PCDHA3: variants seen among roughly 807,000 people sequenced by gnomAD.
The protein encoded by PCDHA3 is protocadherin alpha-3.
A neutral mutation model predicts 62.2 loss-of-function variants in PCDHA3; 41 were observed. The observed-to-expected ratio is 0.66, with a 90% CI of 0.51 to 0.86. The LOEUF is 0.86. Ranked by LOEUF, PCDHA3 falls within the 40% of genes least tolerant of loss-of-function variation. The probability of loss-of-function intolerance (pLI) is 0.00; values close to 1 mark genes in which losing one functional copy is unlikely to be tolerated. For missense variants in PCDHA3, 1,304 were observed against 1,241.2 expected (o/e 1.05, Z -0.76); for synonymous variants, 640 against 555.4 (o/e 1.15, Z -2.14).
chr5:140,820,250 A>G (rs2150106374), intron 1 of PCDHA3, among the ~76,000 whole-genome samples: 2 of 152,032 alleles, frequency 1.3e-5, no homozygotes, highest in African/African-American at 4.8e-5. Context: ...TAAAAATCTT[A>G]TAAGGGAACT....
rs2150186408 is a variant in PCDHA3, at chr5:140,830,436, T to A, written c.2394+26845T>A. On this transcript the variant is annotated intron_variant, in intron 1 of 3. Transcript: ENST00000522353. ...CCCAGCCTTTCACCTTGTCCTATTA[T>A]GATGGGTAAGGCGGAGAATCAGGAT... is the stretch of plus-strand genomic sequence containing the variant. The A allele has an allele frequency of 1.5e-5, 24 of 1,612,796 alleles. No homozygotes were observed. The South Asian group carries it at 2.0e-4, about 13-fold the overall frequency.
intron 1 of PCDHA3, chr5:140,809,058 T>C (rs1554124969): frequency 1.2e-6 from 2 of 1,613,738 alleles, no homozygotes; most frequent in East Asian, 2.2e-5. Flanking sequence ...CCGTTCCGCG[T>C]GGGGCTGTAC....
At chr5:140,948,897 T>G (rs1487067374) in intron 1 of PCDHA3, among the ~76,000 whole-genome samples, 4 of 151,680 alleles carry the variant, frequency 2.6e-5, no homozygotes, top group Non-Finnish European at 5.9e-5. Flanking sequence ...AGATTTTAAG[T>G]GGATTCTTAG....
intron 1 of PCDHA3, among the ~76,000 whole-genome samples, chr5:140,946,079 G>A (rs2093884371): frequency 6.6e-6 from 1 of 151,926 alleles, no homozygotes; most frequent in African/African-American, 2.4e-5. Context: ...GCAAACCACA[G>A]ATCTGATAAG....
rs782778779 is a variant in PCDHA3, at chr5:140,858,081, C to T, written c.2394+54490C>T. ...GAGGGCAGCCAGGCACCCAAGGCCT[C>T]GTCGCGGGCTTCAGTGGGCGTGGCG... On this transcript the variant is annotated intron_variant, in intron 1 of 3. Transcript: ENST00000522353. The T allele has an allele frequency of 6.9e-6, 11 of 1,597,646 alleles. 3 individuals are homozygous for T. The highest frequency in any genetic ancestry group is 1.7e-5 in the Admixed American group (1 of 59,270).
At chr5:140,838,002 T>TA (rs1491059163) in intron 1 of PCDHA3, among the ~76,000 whole-genome samples, 1 of 151,590 alleles carries the variant, frequency 6.6e-6, no homozygotes, top group African/African-American at 2.4e-5. Context: ...TCCTTTTTTT[T>TA]AAAAAAAGAA....
At chr5:140,927,558 T>C (rs1554204736) in intron 1 of PCDHA3, 1 of 1,614,144 alleles carries the variant, frequency 6.2e-7, no homozygotes, top group East Asian at 2.2e-5. Context: ...TCACCATCAT[T>C]GTGGTGGACA....
rs530428922 is a variant in PCDHA3, at chr5:140,875,375, A to G, written c.2394+71784A>G. On this transcript the variant is annotated intron_variant, in intron 1 of 3. Transcript: ENST00000522353. ...TGTGATGCTGGAAAAAATTTACTAA[A>G]TATGTACTTACAGAAAAGGGTGACT... 70 of 1,456,838 alleles carry G rather than the reference A, an allele frequency of 4.8e-5. No individual in the cohort carries two copies. The African/African-American group carries it at 9.9e-4, about 21-fold the overall frequency. The allele number at this position is 1,456,838 out of a possible 1,614,324, so 90.2% of individuals were successfully genotyped here. A position where few individuals can be genotyped will look rare whatever the true frequency, so the allele number is the denominator to read the frequency against.
intron 1 of PCDHA3, among the ~76,000 whole-genome samples, chr5:140,951,315 C>A (rs782114634): frequency 6.6e-6 from 1 of 151,988 alleles, no homozygotes; most frequent in Non-Finnish European, 1.5e-5. Context: ...ATGTGTTATT[C>A]TTGAGATTCA....
intron 1 of PCDHA3, among the ~76,000 whole-genome samples, chr5:140,943,840 G>T (rs528235230): frequency 1.4e-4 from 21 of 152,316 alleles, no homozygotes; most frequent in Non-Finnish European, 2.8e-4. Context: ...GAAGTTGTAA[G>T]ATGTCACAGA....
rs2095730579 is a variant in PCDHA3 at position 140,963,035 on chromosome 5, T to C, written c.2395-15914T>C. Among the ~76,000 whole-genome samples, 3 of 152,330 alleles carry C rather than the reference T, an allele frequency of 2.0e-5. No individual in the cohort carries two copies. The South Asian group carries it at 6.2e-4, about 32-fold the overall frequency. On this transcript the variant is annotated intron_variant, in intron 1 of 3. Transcript: ENST00000522353. ...AAGAAAATGAAGCAATTAACATTTA[T>C]TGAGAGTCTATAAGGGTTTCTACAT...
At chr5:140,809,768 T>G in intron 1 of PCDHA3, 1 of 562,544 alleles carries the variant, frequency 1.8e-6, no homozygotes, top group Non-Finnish European at 3.0e-6. Context: ...TATGCTGCAT[T>G]ATTCAATGCA....
rs2150328555 is a variant in PCDHA3 at position 140,842,062 on chromosome 5, C to T, written c.2394+38471C>T. ...CTCCCACTTTCGAACAGTCTGAATA[C>T]GAAGTAAGAATATTCGAAAACGCAG... On this transcript the variant is annotated intron_variant, in intron 1 of 3. Coordinates refer to ENST00000522353, the MANE Select transcript of PCDHA3 (RefSeq NM_018906.3). 5 of 1,613,774 alleles carry T rather than the reference C, an allele frequency of 3.1e-6. No individual in the cohort carries two copies. The African/African-American group carries it at 6.7e-5, about 22-fold the overall frequency.
At chr5:140,821,484 T>A (rs1425462413) in intron 1 of PCDHA3, 14 of 285,438 alleles carry the variant, frequency 4.9e-5, no homozygotes, top group African/African-American at 1.1e-4. Context: ...TGAGAATACT[T>A]GAGAAATATT....
intron 1 of PCDHA3, among the ~76,000 whole-genome samples, chr5:140,872,788 G>A (rs1419437796): frequency 6.6e-6 from 1 of 152,076 alleles, no homozygotes. Context: ...ATATATGCTA[G>A]TTGGCATTCT....
At chr5:140,867,267 A>G (rs2049851956) in intron 1 of PCDHA3, 1 of 152,078 alleles carries the variant, frequency 6.6e-6, no homozygotes, top group African/African-American at 2.4e-5. Flanking sequence ...TTTTGTTCAA[A>G]ATAAACCTGA....
At chr5:140,884,158 G>T (rs376345503) in intron 1 of PCDHA3, 6 of 1,613,488 alleles carry the variant, frequency 3.7e-6, no homozygotes, top group Non-Finnish European at 5.1e-6. Context: ...ACACTGGCGA[G>T]ATCAGCACGA....
chr5:140,875,938 G>A (rs375005102), intron 1 of PCDHA3: 5 of 1,614,020 alleles, frequency 3.1e-6, no homozygotes, highest in Middle Eastern at 1.6e-4. Flanking sequence ...TCCTCTAGAG[G>A]GCGCTTCTGA....
intron 1 of PCDHA3, chr5:140,848,602 C>A (rs140949600): frequency 8.2e-6 from 13 of 1,593,476 alleles, no homozygotes; most frequent in Non-Finnish European, 1.1e-5. Flanking sequence ...TACTCCGTCC[C>A]GGAGGAAGCC....
Sources: gnomAD v4.1 joint callset for allele counts (sites outside exome capture counted in the v4.1 genomes callset) on GRCh38, gnomAD v4.1.1 for gene constraint, MANE v1.5 for transcripts, NCBI Gene and HGNC (gene_info 2026-07-23, HGNC 2026-07-21) for gene names.